MARCHF3: variants seen among roughly 807,000 people sequenced by gnomAD.
MARCHF3 encodes E3 ubiquitin-protein ligase MARCHF3.
Under a neutral mutation model 24.2 loss-of-function variants are expected in MARCHF3, and 13 were observed. That is an observed-to-expected ratio of 0.54 (90% CI 0.35 to 0.85). MARCHF3 has a LOEUF of 0.85. Ranked by LOEUF, MARCHF3 falls within the 40% of genes least tolerant of loss-of-function variation. MARCHF3 has a pLI of 0.01. For missense variants in MARCHF3, 276 were observed against 325.0 expected, an observed-to-expected ratio of 0.85 and a Z score of 1.16; for synonymous variants, 144 against 137.3, an observed-to-expected ratio of 1.05 and a Z score of -0.34.
rs926162937 is a variant in MARCHF3 at position 126,958,300 on chromosome 5, T to G, written c.-56-40073A>C. On this transcript the variant is annotated intron_variant, in intron 1 of 4. Transcript: ENST00000308660. ...TACATTTTAATAAGGTTACTTGATT[T>G]TAATAAGGTGCTTCCAGTTTACCAT... 2.0e-5 allele frequency among the ~76,000 whole-genome samples: 3 copies of G among 152,256 alleles called. No homozygotes were observed. The East Asian group carries it at 5.8e-4, about 29-fold the overall frequency.
At chr5:126,998,212 A>G (rs1279195288) in intron 1 of MARCHF3, among the ~76,000 whole-genome samples, 2 of 152,222 alleles carry the variant, frequency 1.3e-5, no homozygotes, top group Non-Finnish European at 2.9e-5. Context: ...ATACAAAGGC[A>G]GTGTCCAAGT....
In MARCHF3 at chr5:126,967,156, A is replaced by G. The variant is rs146818050; in HGVS notation, c.-56-48929T>C. Reference sequence around the variant, plus strand: ...CTAAGATAATCAAGTTAACAGAACTATATGTAGAACAGTGATCCCCAGCTA... The same window carrying G: ...CTAAGATAATCAAGTTAACAGAACTGTATGTAGAACAGTGATCCCCAGCTA... On this transcript the variant is annotated intron_variant, in intron 1 of 4. Transcript: ENST00000308660. Among the ~76,000 whole-genome samples the G allele has an allele frequency of 2.9e-4, 44 of 151,732 alleles. No homozygotes were observed. The East Asian group carries it at 8.1e-3, about 28-fold the overall frequency.
intron 3 of MARCHF3, among the ~76,000 whole-genome samples, chr5:126,914,025 C>T (rs964740150): frequency 2.7e-5 from 4 of 147,770 alleles, no homozygotes; most frequent in Admixed American, 6.7e-5. Flanking sequence ...GCTCTGTCAC[C>T]CAGGCTGGAG....
chr5:126,912,843 C>T (rs564598949), intron 3 of MARCHF3, among the ~76,000 whole-genome samples: 1 of 152,372 alleles, frequency 6.6e-6, no homozygotes, highest in South Asian at 2.1e-4. Flanking sequence ...TTGCCTTTCA[C>T]TTTCAACTTG....
rs906532497 is a variant in MARCHF3 at position 126,870,523 on chromosome 5, T to C, written c.*110A>G. On this transcript the variant is annotated 3_prime_UTR_variant, in exon 5 of 5. Transcript: ENST00000308660. ...TGTGCTAATATGCTCTGGATGTTCT[T>C]AGACCCACAGGCTTAAGGAAGGGCT... The C allele has an allele frequency of 1.4e-5, 14 of 971,914 alleles. No individual in the cohort carries two copies. The highest frequency in any genetic ancestry group is 1.1e-4 in the Admixed American group (5 of 45,356). 60.2% of individuals were successfully genotyped at this position (971,914 alleles called of 1,614,324 possible). A position where few individuals can be genotyped will look rare whatever the true frequency, so the allele number is the denominator to read the frequency against.
At chr5:126,984,714 C>G (rs1395554440) in intron 1 of MARCHF3, among the ~76,000 whole-genome samples, 1 of 152,172 alleles carries the variant, frequency 6.6e-6, no homozygotes, top group African/African-American at 2.4e-5. Context: ...GAAAGCCAAG[C>G]CACAGACTGG....
chr5:126,914,811 C>CACAG lies in MARCHF3; in HGVS notation c.393+118_393+119insCTGT, dbSNP rs1157735403. ...ACACACACACACACACACACACACA[C>CACAG]AGTCACATAGCTATTACCGTGCTTC... is the stretch of plus-strand genomic sequence containing the variant. On this transcript the variant is annotated intron_variant, in intron 3 of 4. Transcript: ENST00000308660. The CACAG allele has an allele frequency of 2.8e-4, 245 of 869,198 alleles. 2 individuals are homozygous for CACAG. The African/African-American group carries it at 3.7e-3, about 13-fold the overall frequency. The allele number at this position is 869,198 out of a possible 1,614,324, so 53.8% of individuals were successfully genotyped here. A position where few individuals can be genotyped will look rare whatever the true frequency, so the allele number is the denominator to read the frequency against.
chr5:126,989,334 C>CTAATAA (rs1227016816), intron 1 of MARCHF3, among the ~76,000 whole-genome samples: 13 of 140,180 alleles, frequency 9.3e-5, no homozygotes, highest in African/African-American at 2.7e-4. Context: ...ACTACTACTA[C>CTAATAA]TACTAATAAT....
At chr5:126,995,110 C>T (rs531577028) in intron 1 of MARCHF3, among the ~76,000 whole-genome samples, 11 of 152,216 alleles carry the variant, frequency 7.2e-5, no homozygotes, top group Non-Finnish European at 1.5e-4. Flanking sequence ...TGTGAATCTC[C>T]TTTGGTAACA....
chr5:126,925,810 C>G (rs1749275134), intron 1 of MARCHF3, among the ~76,000 whole-genome samples: 1 of 152,144 alleles, frequency 6.6e-6, no homozygotes, highest in Non-Finnish European at 1.5e-5. Context: ...ATGAGACATT[C>G]ATGGGACATT....
chr5:126,897,949 C>T (rs1753981691), intron 3 of MARCHF3, among the ~76,000 whole-genome samples: 1 of 152,030 alleles, frequency 6.6e-6, no homozygotes, highest in Non-Finnish European at 1.5e-5. Flanking sequence ...TCACAAAGGT[C>T]CACATACTGT....
At chr5:126,890,186 C>A (rs1242146411) in intron 3 of MARCHF3, among the ~76,000 whole-genome samples, 1 of 152,010 alleles carries the variant, frequency 6.6e-6, no homozygotes, top group Non-Finnish European at 1.5e-5. Flanking sequence ...GGTCTTACTT[C>A]CTTTGATTAT....
intron 1 of MARCHF3, among the ~76,000 whole-genome samples, chr5:126,932,203 G>A (rs76873330): frequency 0.079 from 12,020 of 152,300 alleles, 794 homozygotes; most frequent in Middle Eastern, 0.11. Flanking sequence ...GAGGCAGAGT[G>A]GAGAAGCAGA....
intron 1 of MARCHF3, among the ~76,000 whole-genome samples, chr5:126,922,740 G>A (rs573028101): frequency 7.2e-5 from 11 of 152,140 alleles, no homozygotes; most frequent in Admixed American, 6.5e-4. Context: ...TAGAGACGGA[G>A]TTTCGCCATG....
rs757479478 is a variant in MARCHF3 at position 126,992,766 on chromosome 5, A to ATTTTTT, written c.-57+37578_-57+37583dup. 4.4e-3 allele frequency among the ~76,000 whole-genome samples: 416 copies of ATTTTTT among 95,490 alleles called. 18 individuals carry two copies. Among genetic ancestry groups the ATTTTTT allele is most frequent in the East Asian group, 0.026 (80 of 3,066 alleles). 62.6% of individuals were successfully genotyped at this position (95,490 alleles called of 152,430 possible). ...TCTTCCTCTTTTTGACATCCACGTG[A>ATTTTTT]TTTTTTTTTTTTTTTTTTTTTTTGA... On this transcript the variant is annotated intron_variant, in intron 1 of 4. Transcript: ENST00000308660.
At chr5:126,927,153 C>T (rs1294291683) in intron 1 of MARCHF3, among the ~76,000 whole-genome samples, 1 of 152,134 alleles carries the variant, frequency 6.6e-6, no homozygotes, top group Non-Finnish European at 1.5e-5. Context: ...ACAAAAAATA[C>T]AGATTCTTTT....
At position 126,914,850 on chromosome 5, in the gene MARCHF3, A is replaced by G. The variant is rs1167783138; in HGVS notation, c.393+80T>C. On this transcript the variant is annotated intron_variant, in intron 3 of 4. Transcript: ENST00000308660. ...TTACCGTGCTTCAGTAAAGCTGTAC[A>G]GGGCTTGTGATCCAGGCATAAAAAC... 4.2e-6 allele frequency: 6 copies of G among 1,417,302 alleles called. No homozygotes were observed. The African/African-American group carries it at 8.4e-5, about 20-fold the overall frequency. The allele number at this position is 1,417,302 out of a possible 1,614,324, so 87.8% of individuals were successfully genotyped here.
intron 1 of MARCHF3, among the ~76,000 whole-genome samples, chr5:126,947,122 C>A (rs970667748): frequency 1.3e-5 from 2 of 152,066 alleles, no homozygotes; most frequent in Non-Finnish European, 2.9e-5. Flanking sequence ...CAGTGTTTGG[C>A]AGAAAAAACA....
chr5:126,887,268 A>C (rs979496350), intron 3 of MARCHF3, among the ~76,000 whole-genome samples: 11 of 152,220 alleles, frequency 7.2e-5, no homozygotes, highest in Non-Finnish European at 1.5e-4. Flanking sequence ...AAAAAATCAC[A>C]TCTTTATTTT....
Sources: allele counts gnomAD v4.1 joint callset (sites outside exome capture counted in the v4.1 genomes callset), GRCh38; gene constraint gnomAD v4.1.1; transcripts MANE v1.5; gene names NCBI Gene and HGNC (gene_info 2026-07-23, HGNC 2026-07-21).